Variants in DMRT1 observed in about 807,000 individuals in gnomAD.
DMRT1 encodes doublesex- and mab-3-related transcription factor 1.
Under a neutral mutation model 32.3 loss-of-function variants are expected in DMRT1, and 7 were observed. That is an observed-to-expected ratio of 0.22 (90% CI 0.12 to 0.41). DMRT1 has a LOEUF of 0.41. Among genes scored for constraint, DMRT1 ranks in the 10% least tolerant of loss-of-function variants. The probability of loss-of-function intolerance (pLI) is 1.00; values close to 1 mark genes in which losing one functional copy is unlikely to be tolerated. For missense variants in DMRT1, 625 were observed against 500.5 expected (o/e 1.25, Z -2.37); for synonymous variants, 278 against 206.1 (o/e 1.35, Z -2.99).
intron 2 of DMRT1, among the ~76,000 whole-genome samples, chr9:876,962 G>A (rs1816528646): frequency 6.6e-6 from 1 of 151,880 alleles, no homozygotes; most frequent in Admixed American, 6.6e-5. Flanking sequence ...TTACATGTGT[G>A]TCCTCAGACT....
chr9:898,394 C>T (rs1280002466), intron 3 of DMRT1, among the ~76,000 whole-genome samples: 2 of 152,210 alleles, frequency 1.3e-5, no homozygotes, highest in African/African-American at 4.8e-5. Context: ...GCTGGGATTA[C>T]AGGCATGAGT....
chr9:930,075 G>A (rs1049648777), intron 4 of DMRT1, among the ~76,000 whole-genome samples: 1 of 152,080 alleles, frequency 6.6e-6, no homozygotes, highest in Non-Finnish European at 1.5e-5. Context: ...AAACCTAAGA[G>A]GGTGTTTTCT....
intron 4 of DMRT1, among the ~76,000 whole-genome samples, chr9:928,265 T>G (rs1818592645): frequency 6.6e-6 from 1 of 152,228 alleles, no homozygotes; most frequent in Non-Finnish European, 1.5e-5. Context: ...TGCAGTCCCA[T>G]GATCATCTGC....
At chr9:878,831 T>C (rs57858982) in intron 2 of DMRT1, among the ~76,000 whole-genome samples, 6,489 of 152,190 alleles carry the variant, frequency 0.043, 466 homozygotes, top group African/African-American at 0.15. Flanking sequence ...AATTCTCAAG[T>C]AGTAGTAGTA....
Position 939,291 on chromosome 9 carries a change from A to G in DMRT1, c.967+22384A>G, listed in dbSNP as rs571698987. Among the ~76,000 whole-genome samples, 3 of 152,334 alleles carry G rather than the reference A, an allele frequency of 2.0e-5. No individual in the cohort carries two copies. In the East Asian group the frequency reaches 5.8e-4, roughly 29 times the overall value. ...AGGACCTCCTTTTAACTGTCTGCTT[A>G]TTCCTGTTGCACTTAACTCCCAAAT... On this transcript the variant is annotated intron_variant, in intron 4 of 4. Coordinates refer to ENST00000382276, the MANE Select transcript of DMRT1 (RefSeq NM_021951.3).
chr9:891,536 A>C (rs534861392), intron 2 of DMRT1, among the ~76,000 whole-genome samples: 84 of 150,156 alleles, frequency 5.6e-4, no homozygotes, highest in African/African-American at 2.0e-3. Context: ...TTTCTCCCAG[A>C]CGGAGTCTTG....
chr9:897,343 C>G (rs917392292), intron 3 of DMRT1, among the ~76,000 whole-genome samples: 1 of 151,656 alleles, frequency 6.6e-6, no homozygotes, highest in Non-Finnish European at 1.5e-5. Flanking sequence ...GTCTCAATCT[C>G]CTGACCTCGT....
At chr9:864,528 T>C (rs898026146) in intron 2 of DMRT1, among the ~76,000 whole-genome samples, 1 of 128,656 alleles carries the variant, frequency 7.8e-6, no homozygotes, top group African/African-American at 2.9e-5. Flanking sequence ...AGACGGAGTC[T>C]TGCTCTGTCG....
intron 3 of DMRT1, among the ~76,000 whole-genome samples, chr9:916,390 A>G (rs1243003610): frequency 6.6e-6 from 1 of 151,550 alleles, no homozygotes; most frequent in African/African-American, 2.4e-5. Context: ...TTTTTGAGAC[A>G]GGGTCTTTCT....
intron 4 of DMRT1, among the ~76,000 whole-genome samples, chr9:946,253 C>T (rs1206107677): frequency 6.6e-6 from 1 of 151,888 alleles, no homozygotes; most frequent in South Asian, 2.1e-4. Context: ...CCAAATTAAC[C>T]CCAAGACTGG....
intron 4 of DMRT1, among the ~76,000 whole-genome samples, chr9:949,485 T>C (rs1000655378): frequency 6.6e-6 from 1 of 152,190 alleles, no homozygotes; most frequent in African/African-American, 2.4e-5. Context: ...TATACACCCG[T>C]GACACGATCA....
At chr9:872,672 T>C (rs902109878) in intron 2 of DMRT1, among the ~76,000 whole-genome samples, 3 of 152,270 alleles carry the variant, frequency 2.0e-5, no homozygotes, top group Admixed American at 6.5e-5. Flanking sequence ...TTCTTTTTAT[T>C]ACTTATCAGT....
intron 2 of DMRT1, among the ~76,000 whole-genome samples, chr9:868,362 C>T (rs1420171076): frequency 1.3e-5 from 2 of 152,194 alleles, no homozygotes; most frequent in African/African-American, 4.8e-5. Flanking sequence ...CCTCAGCTTT[C>T]TGTCTCTGAT....
At chr9:842,813 C>A (rs1387224809) in intron 1 of DMRT1, 1 of 152,416 alleles carries the variant, frequency 6.6e-6, no homozygotes, top group Non-Finnish European at 1.5e-5. Flanking sequence ...TCCCTGAGAT[C>A]CCTGATCCCG....
At chr9:943,666 T>C (rs1424998716) in intron 4 of DMRT1, among the ~76,000 whole-genome samples, 1 of 152,176 alleles carries the variant, frequency 6.6e-6, no homozygotes, top group Non-Finnish European at 1.5e-5. Flanking sequence ...CGAAATGGAC[T>C]TCTTCTTCTG....
At chr9:856,795 C>A (rs1036592001) in intron 2 of DMRT1, among the ~76,000 whole-genome samples, 1 of 152,096 alleles carries the variant, frequency 6.6e-6, no homozygotes, top group African/African-American at 2.4e-5. Flanking sequence ...CTGTCCTTAA[C>A]GTTTTGAGGA....
At chr9:842,258 G>A (rs1197378101) in intron 1 of DMRT1, 66 bp downstream of exon 1, 3 of 1,361,986 alleles carry the variant, frequency 2.2e-6, no homozygotes, top group South Asian at 2.7e-5. Flanking sequence ...TTTTTTAGAT[G>A]GAGTCTCGCT....
intron 3 of DMRT1, among the ~76,000 whole-genome samples, chr9:905,325 A>G (rs1176427937): frequency 6.6e-6 from 1 of 152,080 alleles, no homozygotes; most frequent in Non-Finnish European, 1.5e-5. Flanking sequence ...CCCACATTTT[A>G]TTTATCACAT....
chr9:901,911 CTTTT>C (rs34006231), intron 3 of DMRT1, among the ~76,000 whole-genome samples: 39 of 114,314 alleles, frequency 3.4e-4, no homozygotes, highest in African/African-American at 4.0e-4. Flanking sequence ...GAAACTAGCC[CTTTT>C]TTTTTTTTTT....
Sources: allele counts gnomAD v4.1 joint callset (sites outside exome capture counted in the v4.1 genomes callset), GRCh38; gene constraint gnomAD v4.1.1; transcripts MANE v1.5; gene names NCBI Gene and HGNC (gene_info 2026-07-23, HGNC 2026-07-21).